The following TOGARAM1 variants were observed in gnomAD, a reference collection of about 807,000 sequenced individuals.
TOGARAM1 encodes the protein TOG array regulator of axonemal microtubules protein 1.
Under a neutral mutation model 166.6 loss-of-function variants are expected in TOGARAM1, and 100 were observed. That is an observed-to-expected ratio of 0.60 (90% CI 0.51 to 0.71). TOGARAM1 has a LOEUF of 0.71. Ranked by LOEUF, TOGARAM1 falls within the 30% of genes least tolerant of loss-of-function variation. TOGARAM1 has a pLI of 0.00. For synonymous variants in TOGARAM1, 758 were observed against 763.8 expected, an observed-to-expected ratio of 0.99 and a Z score of 0.13; for missense variants, 2,029 against 2,102.7, an observed-to-expected ratio of 0.96 and a Z score of 0.69.
Position 45,055,005 on chromosome 14 carries a change from C to T in TOGARAM1, c.4559+456C>T, listed in dbSNP as rs1882562563. On this transcript the variant is annotated intron_variant, in intron 16 of 19. Transcript: ENST00000361462. ...TGAGGCAGGCAGAATTGTTTGAGCT[C>T]AGGAGTTCGAGATCAGCCTGGGCAA... Among the ~76,000 whole-genome samples the T allele has an allele frequency of 2.0e-5, 3 of 151,982 alleles. No individual in the cohort carries two copies. In the South Asian group the frequency reaches 6.2e-4, roughly 32 times the overall value.
chr14:45,012,605 G>C (rs1217326772), intron 7 of TOGARAM1, among the ~76,000 whole-genome samples: 1 of 152,130 alleles, frequency 6.6e-6, no homozygotes, highest in African/African-American at 2.4e-5. Flanking sequence ...AAAAAGATTT[G>C]CACTATGATC....
At chr14:45,010,722 T>G (rs1879737294) in intron 6 of TOGARAM1, among the ~76,000 whole-genome samples, 1 of 152,184 alleles carries the variant, frequency 6.6e-6, no homozygotes, top group African/African-American at 2.4e-5. Flanking sequence ...ACAATTATTC[T>G]TATCCAGCTT....
At chr14:45,044,579 A>G (rs1324591210) in intron 12 of TOGARAM1, 56 bp from the exon 13 acceptor site, 2 of 1,199,958 alleles carry the variant, frequency 1.7e-6, no homozygotes, top group South Asian at 1.4e-5. Context: ...CCAAGTTATT[A>G]TTAGTGATTT....
intron 1 of TOGARAM1, among the ~76,000 whole-genome samples, chr14:44,977,753 C>T (rs1886289433): frequency 6.6e-6 from 1 of 152,054 alleles, no homozygotes; most frequent in African/African-American, 2.4e-5. Flanking sequence ...TCAAGCGATT[C>T]TCCTGCCTCA....
chr14:45,022,032 A>G lies in TOGARAM1; in HGVS notation c.3239-3751A>G, dbSNP rs144378752. ...CCATGTGAGGTGGGTTTCCTGGGTT[A>G]GCTTTTTTAGATGTTGTTTGAGTGT... On this transcript the variant is annotated intron_variant, in intron 7 of 19. Transcript: ENST00000361462. 1.2e-4 allele frequency among the ~76,000 whole-genome samples: 19 copies of G among 152,124 alleles called. No individual in the cohort carries two copies. The East Asian group carries it at 3.7e-3, about 30-fold the overall frequency.
At chr14:45,039,475 C>T (rs1277014829) in intron 11 of TOGARAM1, among the ~76,000 whole-genome samples, 1 of 152,114 alleles carries the variant, frequency 6.6e-6, no homozygotes, top group South Asian at 2.1e-4. Flanking sequence ...TCCATAGTGC[C>T]CAGGCTGTTT....
intron 1 of TOGARAM1, among the ~76,000 whole-genome samples, chr14:44,969,234 C>G (rs1464953427): frequency 6.6e-6 from 1 of 150,710 alleles, no homozygotes; most frequent in African/African-American, 2.5e-5. Flanking sequence ...TCACTGCAAC[C>G]TCTGCCTCCC....
intron 1 of TOGARAM1, among the ~76,000 whole-genome samples, chr14:44,981,457 G>A (rs1886527467): frequency 6.6e-6 from 1 of 152,186 alleles, no homozygotes; most frequent in Non-Finnish European, 1.5e-5. Flanking sequence ...AGTGGTGAGG[G>A]AGTTTCAAGG....
At chr14:45,068,250 T>A (rs118015305) in intron 17 of TOGARAM1, among the ~76,000 whole-genome samples, 174 bp from the exon 18 acceptor site, 4 of 152,262 alleles carry the variant, frequency 2.6e-5, no homozygotes, top group Non-Finnish European at 5.9e-5. Flanking sequence ...ACACTTAGAT[T>A]TAGTACCCAA....
chr14:45,015,094 G>A (rs1013143712), intron 7 of TOGARAM1, among the ~76,000 whole-genome samples: 1 of 151,902 alleles, frequency 6.6e-6, no homozygotes, highest in Non-Finnish European at 1.5e-5. Context: ...ACTTGAGCCC[G>A]AGAGTTTGGG....
intron 1 of TOGARAM1, among the ~76,000 whole-genome samples, chr14:44,969,142 C>T (rs913263857): frequency 7.2e-6 from 1 of 139,166 alleles, no homozygotes; most frequent in African/African-American, 2.9e-5. Flanking sequence ...TCCTTCCTTC[C>T]TTCCTTTCTT....
At chr14:45,045,665 A>G (rs1441575754) in intron 13 of TOGARAM1, among the ~76,000 whole-genome samples, 2 of 101,044 alleles carry the variant, frequency 2.0e-5, no homozygotes, top group Non-Finnish European at 3.5e-5. Flanking sequence ...ACACACATAT[A>G]TATGTGTATA....
At chr14:45,056,243 T>C (rs1285442516) in intron 16 of TOGARAM1, among the ~76,000 whole-genome samples, 1 of 152,212 alleles carries the variant, frequency 6.6e-6, no homozygotes, top group East Asian at 1.9e-4. Flanking sequence ...GACATTTTAC[T>C]GAATTCGCTT....
intron 1 of TOGARAM1, among the ~76,000 whole-genome samples, chr14:44,990,952 G>GTTTTTT (rs1887090583): frequency 9.3e-6 from 1 of 107,884 alleles, no homozygotes; most frequent in African/African-American, 5.5e-5. Flanking sequence ...CCCAGCTGAG[G>GTTTTTT]CTTTTTTTTT....
chr14:45,037,899 T>C (rs1164211740), intron 11 of TOGARAM1, among the ~76,000 whole-genome samples: 3 of 149,990 alleles, frequency 2.0e-5, no homozygotes, highest in African/African-American at 7.4e-5. Flanking sequence ...ATGCCTGTAG[T>C]CCCAGCTACT....
chr14:44,994,556 C>T (rs369576752), intron 1 of TOGARAM1, among the ~76,000 whole-genome samples: 5 of 151,964 alleles, frequency 3.3e-5, no homozygotes, highest in South Asian at 2.1e-4. Flanking sequence ...TTAGTTGGGA[C>T]GACAGGCACA....
intron 1 of TOGARAM1, among the ~76,000 whole-genome samples, chr14:44,988,302 A>C (rs531756210): frequency 1.3e-5 from 2 of 152,328 alleles, no homozygotes; most frequent in East Asian, 3.9e-4. Flanking sequence ...ATATGATATA[A>C]GCACTTAACG....
chr14:44,999,559 A>C, intron 3 of TOGARAM1, 62 bp downstream of exon 3: 1 of 1,363,310 alleles, frequency 7.3e-7, no homozygotes, highest in South Asian at 1.7e-5. Flanking sequence ...GGATTCCAAC[A>C]CTAACTTATA....
chr14:45,063,000 T>C (rs1017437284), intron 16 of TOGARAM1, among the ~76,000 whole-genome samples: 3 of 152,178 alleles, frequency 2.0e-5, no homozygotes, highest in Admixed American at 6.5e-5. Context: ...CCTAGGCAGT[T>C]TGTCTTCTGT....
Sources: allele counts gnomAD v4.1 joint callset (sites outside exome capture counted in the v4.1 genomes callset), GRCh38; gene constraint gnomAD v4.1.1; transcripts MANE v1.5; gene names NCBI Gene and HGNC (gene_info 2026-07-23, HGNC 2026-07-21).